SLC4A4: variants seen among roughly 807,000 people sequenced by gnomAD.
SLC4A4 encodes the protein solute carrier family 4 member 4, also known as electrogenic sodium bicarbonate cotransporter 1.
A neutral mutation model predicts 111.5 loss-of-function variants in SLC4A4; 27 were observed. The observed-to-expected ratio is 0.24, with a 90% CI of 0.18 to 0.33. The LOEUF (loss-of-function observed/expected upper bound fraction) is 0.33. SLC4A4 is among the 10% of genes least tolerant of loss of function. The pLI, the probability that SLC4A4 is intolerant of heterozygous loss-of-function variation, is 1.00. For missense variants in SLC4A4, 909 were observed against 1,315.5 expected (o/e 0.69, Z 4.78); for synonymous variants, 443 against 463.4 (o/e 0.96, Z 0.57).
chr4:71,256,724 A>G (rs552764267), intron 3 of SLC4A4, among the ~76,000 whole-genome samples: 45 of 152,336 alleles, frequency 3.0e-4, no homozygotes, highest in African/African-American at 9.9e-4. Flanking sequence ...GCACATAAAC[A>G]TGGCACAGTT....
At chr4:71,320,096 T>C (rs1392519929) in intron 3 of SLC4A4, among the ~76,000 whole-genome samples, 1 of 152,032 alleles carries the variant, frequency 6.6e-6, no homozygotes, top group Non-Finnish European at 1.5e-5. Flanking sequence ...TAGTATCTTA[T>C]GTGAATTCTC....
intron 7 of SLC4A4, chr4:71,437,662 A>T (rs1335967716): frequency 4.0e-6 from 2 of 493,918 alleles, no homozygotes; most frequent in African/African-American, 3.9e-5. Flanking sequence ...TTTTAATAAG[A>T]TGCTGAGAGC....
chr4:71,355,867 A>G (rs1002967589), intron 5 of SLC4A4, among the ~76,000 whole-genome samples: 2 of 152,158 alleles, frequency 1.3e-5, no homozygotes, highest in Non-Finnish European at 2.9e-5. Context: ...AAGAATAGTT[A>G]TTGTTCGTTT....
intron 18 of SLC4A4, among the ~76,000 whole-genome samples, chr4:71,536,457 C>CAT (rs1238920856): frequency 0.011 from 332 of 31,366 alleles, 14 homozygotes; most frequent in African/African-American, 0.025. Context: ...TACATATATA[C>CAT]ATATATACAT....
chr4:71,400,943 T>G (rs527687519), intron 7 of SLC4A4, among the ~76,000 whole-genome samples: 2 of 152,198 alleles, frequency 1.3e-5, no homozygotes, highest in Non-Finnish European at 2.9e-5. Flanking sequence ...GAAGTGATCT[T>G]GGCAGTAAAC....
At chr4:71,437,277 G>A (rs1724247569) in intron 7 of SLC4A4, 2 of 364,670 alleles carry the variant, frequency 5.5e-6, no homozygotes, top group Non-Finnish European at 1.1e-5. Context: ...AACGGAAATG[G>A]GGAGTGTCCA....
intron 10 of SLC4A4, among the ~76,000 whole-genome samples, 189 bp downstream of exon 10, chr4:71,450,732 G>C (rs1223721641): frequency 6.6e-6 from 1 of 152,134 alleles, no homozygotes; most frequent in Admixed American, 6.5e-5. Context: ...TAAAATAAAT[G>C]TTATGTGGTA....
intron 1 of SLC4A4, among the ~76,000 whole-genome samples, chr4:71,232,186 G>C (rs536241749): frequency 1.6e-4 from 25 of 152,240 alleles, no homozygotes; most frequent in Admixed American, 1.5e-3. Flanking sequence ...CAGAAAGAAC[G>C]AAGTTTCTAA....
intron 3 of SLC4A4, among the ~76,000 whole-genome samples, chr4:71,286,984 T>G (rs1279911410): frequency 6.6e-6 from 1 of 152,212 alleles, no homozygotes; most frequent in Non-Finnish European, 1.5e-5. Flanking sequence ...AGGTCATGCC[T>G]TTAGTCAATG....
At chr4:71,242,803 G>A (rs927022971) in intron 2 of SLC4A4, among the ~76,000 whole-genome samples, 16 of 150,518 alleles carry the variant, frequency 1.1e-4, no homozygotes, top group Non-Finnish European at 1.3e-4. Context: ...TCTACAAATC[G>A]TAACTGGTGT....
At chr4:71,473,732 G>T (rs928685667) in intron 14 of SLC4A4, among the ~76,000 whole-genome samples, 1 of 151,616 alleles carries the variant, frequency 6.6e-6, no homozygotes, top group Non-Finnish European at 1.5e-5. Context: ...TGTTCAGCTT[G>T]GTCTTTGGAA....
At chr4:71,081,944 T>C (rs1022798618) in intron 1 of SLC4A4, among the ~76,000 whole-genome samples, 7 of 152,060 alleles carry the variant, frequency 4.6e-5, no homozygotes, top group African/African-American at 1.7e-4. Context: ...AATGCCTGGG[T>C]CCCCAGTGTC....
intron 2 of SLC4A4, among the ~76,000 whole-genome samples, chr4:71,110,284 G>A (rs2148951337): frequency 6.6e-6 from 1 of 152,144 alleles, no homozygotes; most frequent in East Asian, 1.9e-4. Context: ...GTATGATCAT[G>A]GCTCACTGCA....
intron 1 of SLC4A4, among the ~76,000 whole-genome samples, chr4:71,062,829 A>G (rs1741423597): frequency 6.6e-6 from 1 of 152,220 alleles, no homozygotes; most frequent in African/African-American, 2.4e-5. Context: ...TGTGGTAGGC[A>G]TATGCCACAC....
chr4:71,096,564 C>A (rs76537423), intron 2 of SLC4A4, among the ~76,000 whole-genome samples: 1 of 152,126 alleles, frequency 6.6e-6, no homozygotes, highest in African/African-American at 2.4e-5. Context: ...TTAAAAAAAT[C>A]GTTAGTGCAA....
At chr4:71,553,503 C>G (rs1445596571) in intron 20 of SLC4A4, among the ~76,000 whole-genome samples, 1 of 151,828 alleles carries the variant, frequency 6.6e-6, no homozygotes, top group Non-Finnish European at 1.5e-5. Flanking sequence ...TAAAAAGGAA[C>G]TACTGCAGGA....
At chr4:71,319,930 T>C (rs955206065) in intron 3 of SLC4A4, among the ~76,000 whole-genome samples, 1 of 152,024 alleles carries the variant, frequency 6.6e-6, no homozygotes, top group Non-Finnish European at 1.5e-5. Context: ...TATTATCTCA[T>C]GAAGTGAGTT....
At chr4:71,566,023 T>A (rs1737441620) in intron 24 of SLC4A4, among the ~76,000 whole-genome samples, 1 of 151,824 alleles carries the variant, frequency 6.6e-6, no homozygotes, top group Non-Finnish European at 1.5e-5. Context: ...AGCCCCACAC[T>A]GTTAACACTG....
At chr4:71,374,800 T>C (rs1359205910) in intron 6 of SLC4A4, among the ~76,000 whole-genome samples, 2 of 152,036 alleles carry the variant, frequency 1.3e-5, no homozygotes, top group Non-Finnish European at 2.9e-5. Flanking sequence ...TTTTTTTTCC[T>C]AATAAGATTT....
Sources: gnomAD v4.1 joint callset for allele counts (sites outside exome capture counted in the v4.1 genomes callset) on GRCh38, gnomAD v4.1.1 for gene constraint, MANE v1.5 for transcripts, NCBI Gene and HGNC (gene_info 2026-07-23, HGNC 2026-07-21) for gene names.